PACRG: variants seen among roughly 807,000 people sequenced by gnomAD.
PACRG encodes parkin coregulated gene protein.
Under a neutral mutation model 29.7 loss-of-function variants are expected in PACRG, and 29 were observed. That is an observed-to-expected ratio of 0.98 (90% CI 0.73 to 1.33). The LOEUF (loss-of-function observed/expected upper bound fraction) is 1.33, where lower values mean the gene tolerates loss of function less well. PACRG is among the 40% of genes most tolerant of loss of function. The pLI is 0.00. For synonymous variants in PACRG, 116 were observed against 118.7 expected (o/e 0.98, Z 0.15); for missense variants, 279 against 316.2 (o/e 0.88, Z 0.89).
At chr6:163,304,896 A>G (rs1785138709) in intron 4 of PACRG, among the ~76,000 whole-genome samples, 1 of 152,224 alleles carries the variant, frequency 6.6e-6, no homozygotes, top group Non-Finnish European at 1.5e-5. Flanking sequence ...CTGATTATTA[A>G]CCAGAAAAGA....
At chr6:162,816,977 G>A (rs1257410809) in intron 2 of PACRG, among the ~76,000 whole-genome samples, 1 of 152,146 alleles carries the variant, frequency 6.6e-6, no homozygotes, top group Non-Finnish European at 1.5e-5. Context: ...GCTTCCCTCC[G>A]AGGATACCGG....
At chr6:162,947,070 A>T (rs925508638) in intron 2 of PACRG, among the ~76,000 whole-genome samples, 4 of 151,738 alleles carry the variant, frequency 2.6e-5, no homozygotes, top group Admixed American at 6.6e-5. Flanking sequence ...CAGGACAAGG[A>T]TACCACTCTC....
chr6:163,102,390 C>T (rs1815146696), intron 4 of PACRG, among the ~76,000 whole-genome samples: 1 of 152,128 alleles, frequency 6.6e-6, no homozygotes, highest in South Asian at 2.1e-4. Flanking sequence ...GAACTGCAAT[C>T]CAATCTCAGA....
intron 3 of PACRG, among the ~76,000 whole-genome samples, chr6:163,077,191 G>A (rs1812623894): frequency 6.6e-6 from 1 of 152,180 alleles, no homozygotes; most frequent in African/African-American, 2.4e-5. Flanking sequence ...AATTATTTAA[G>A]TGGTGAGAGT....
At chr6:163,075,933 G>C (rs534404341) in intron 3 of PACRG, among the ~76,000 whole-genome samples, 1 of 152,210 alleles carries the variant, frequency 6.6e-6, no homozygotes, top group African/African-American at 2.4e-5. Context: ...GACCCAGCCT[G>C]ATAGTTGTTG....
At chr6:162,964,784 A>C (rs1344174706) in intron 2 of PACRG, among the ~76,000 whole-genome samples, 2 of 152,156 alleles carry the variant, frequency 1.3e-5, no homozygotes, top group Admixed American at 1.3e-4. Flanking sequence ...TTAGGAAGTG[A>C]CTCACTAAGT....
chr6:162,766,859 A>G (rs562565696), intron 1 of PACRG, among the ~76,000 whole-genome samples: 1 of 152,248 alleles, frequency 6.6e-6, no homozygotes, highest in Non-Finnish European at 1.5e-5. Flanking sequence ...TAAATATAAA[A>G]GGCTATAAAT....
intron 3 of PACRG, among the ~76,000 whole-genome samples, chr6:163,074,963 C>T (rs367962465): frequency 2.6e-5 from 4 of 151,836 alleles, no homozygotes; most frequent in African/African-American, 7.3e-5. Context: ...ACTGCACTCC[C>T]GCCTGGGTCA....
At chr6:163,236,669 T>C (rs1782252004) in intron 4 of PACRG, among the ~76,000 whole-genome samples, 1 of 152,228 alleles carries the variant, frequency 6.6e-6, no homozygotes, top group South Asian at 2.1e-4. Context: ...GTGGAGACTG[T>C]GCCGCTGTAC....
At chr6:162,846,797 A>T (rs1790419142) in intron 2 of PACRG, among the ~76,000 whole-genome samples, 1 of 152,116 alleles carries the variant, frequency 6.6e-6, no homozygotes, top group South Asian at 2.1e-4. Context: ...AGTTCACATT[A>T]TGCTCCCCAC....
At chr6:162,844,289 A>G (rs559954975) in intron 2 of PACRG, among the ~76,000 whole-genome samples, 134 of 152,230 alleles carry the variant, frequency 8.8e-4, no homozygotes, top group Middle Eastern at 6.8e-3. Context: ...GGTGCGGGAT[A>G]TAATCTCATG....
intron 4 of PACRG, among the ~76,000 whole-genome samples, chr6:163,284,397 A>T (rs1361826126): frequency 6.6e-6 from 1 of 152,186 alleles, no homozygotes; most frequent in East Asian, 1.9e-4. Context: ...GGCCCCACAG[A>T]GTTCACGGGC....
intron 4 of PACRG, among the ~76,000 whole-genome samples, chr6:163,139,158 G>A (rs1308951494): frequency 6.6e-6 from 1 of 152,216 alleles, no homozygotes; most frequent in East Asian, 1.9e-4. Context: ...TCCATTCCTG[G>A]CCTCCCCCAG....
At chr6:162,916,925 C>T (rs955049028) in intron 2 of PACRG, among the ~76,000 whole-genome samples, 1 of 152,124 alleles carries the variant, frequency 6.6e-6, no homozygotes, top group Admixed American at 6.6e-5. Flanking sequence ...CACTCCCAGC[C>T]AAACTTACGG....
At chr6:163,070,516 A>G in intron 3 of PACRG, among the ~76,000 whole-genome samples, 1 of 152,078 alleles carries the variant, frequency 6.6e-6, no homozygotes, top group Non-Finnish European at 1.5e-5. Context: ...TTGCAATCTC[A>G]TGGTAACTCA....
intron 4 of PACRG, among the ~76,000 whole-genome samples, chr6:163,174,045 C>T (rs73012857): frequency 0.076 from 11,502 of 152,200 alleles, 481 homozygotes; most frequent in South Asian, 0.13. Flanking sequence ...TGTGTAGCCA[C>T]GCACCGCACT....
At chr6:163,097,924 A>T (rs1814749851) in intron 4 of PACRG, among the ~76,000 whole-genome samples, 1 of 152,166 alleles carries the variant, frequency 6.6e-6, no homozygotes, top group African/African-American at 2.4e-5. Flanking sequence ...CTATTATGTT[A>T]ATAGAGATTC....
At chr6:163,187,846 T>G (rs1780024943) in intron 4 of PACRG, 1 of 152,530 alleles carries the variant, frequency 6.6e-6, no homozygotes, top group Admixed American at 6.5e-5. Flanking sequence ...TCCGCTGATC[T>G]GCGCCTGTCA....
intron 2 of PACRG, among the ~76,000 whole-genome samples, chr6:163,048,995 C>A (rs1249076080): frequency 6.6e-6 from 1 of 151,854 alleles, no homozygotes; most frequent in Non-Finnish European, 1.5e-5. Flanking sequence ...TATGTAGGTC[C>A]ATTGAGTCAA....
Sources: allele counts gnomAD v4.1 joint callset (sites outside exome capture counted in the v4.1 genomes callset), GRCh38; gene constraint gnomAD v4.1.1; transcripts MANE v1.5; gene names NCBI Gene and HGNC (gene_info 2026-07-23, HGNC 2026-07-21).